Variants in ZNF383 observed in about 807,000 individuals in gnomAD.
The protein encoded by ZNF383 is zinc finger protein 383.
Under a neutral mutation model 44.2 loss-of-function variants are expected in ZNF383, and 32 were observed. The observed-to-expected ratio is 0.72, with a 90% CI of 0.55 to 0.97. The LOEUF (loss-of-function observed/expected upper bound fraction) is 0.97. ZNF383 is among the 50% of genes least tolerant of loss of function. ZNF383 has a pLI of 0.00. For synonymous variants in ZNF383, 155 were observed against 186.2 expected (o/e 0.83, Z 1.36); for missense variants, 487 against 562.5 (o/e 0.87, Z 1.36).
intron 1 of ZNF383, among the ~76,000 whole-genome samples, chr19:37,220,339 C>T (rs1253274003): frequency 2.0e-4 from 30 of 152,184 alleles, no homozygotes; most frequent in Non-Finnish European, 1.5e-5. Flanking sequence ...TCTCAGCTCA[C>T]TGCAACCTCC....
chr19:37,243,333 A>T lies in ZNF383; in HGVS notation c.1097A>T (p.Tyr366Phe). ...HQRIHTGEKPYDCKECGKAFT... is the reference protein window; with the variant it reads ...HQRIHTGEKPFDCKECGKAFT... ...AGAATTCACACTGGTGAGAAACCCT[A>T]TGATTGTAAGGAATGTGGAAAGGCT... is the stretch of plus-strand genomic sequence containing the variant. The change falls in exon 6 of 6, where the codon TAT becomes TTT. Residue 366 changes from tyrosine (Y) to phenylalanine (F), a missense_variant. Transcript: ENST00000684119. 1 of 1,613,920 alleles carries T rather than the reference A, an allele frequency of 6.2e-7. No homozygotes were observed. The highest frequency in any genetic ancestry group is 8.5e-7 in the Non-Finnish European group (1 of 1,179,948).
chr19:37,242,769 C>A lies in ZNF383; in HGVS notation c.533C>A (p.Ala178Asp). ...RPYECKKCGK[A>D]FSQNSQFIQH... Reference sequence around the variant, plus strand: ...TATGAATGTAAGAAATGTGGAAAGGCCTTTAGTCAGAACTCACAATTTATT... The same window carrying A: ...TATGAATGTAAGAAATGTGGAAAGGACTTTAGTCAGAACTCACAATTTATT... Residue 178 changes from alanine to aspartate, a missense_variant, in exon 6 of 6, where the codon GCC becomes GAC. Transcript: ENST00000684119. The A allele has an allele frequency of 6.2e-7, 1 of 1,614,080 alleles. No homozygotes were observed. The highest frequency in any genetic ancestry group is 8.5e-7 in the Non-Finnish European group (1 of 1,180,008).
At chr19:37,221,848 T>C (rs1420290713) in intron 1 of ZNF383, among the ~76,000 whole-genome samples, 1 of 146,522 alleles carries the variant, frequency 6.8e-6, no homozygotes, top group Non-Finnish European at 1.5e-5. Flanking sequence ...CCCAGCTACT[T>C]GGGAAGCTGA....
At chr19:37,225,391 G>A (rs552153175) in intron 2 of ZNF383, among the ~76,000 whole-genome samples, 22 of 152,292 alleles carry the variant, frequency 1.4e-4, no homozygotes, top group Non-Finnish European at 3.1e-4. Flanking sequence ...ACCACACCAA[G>A]CTAATCATTT....
intron 3 of ZNF383, among the ~76,000 whole-genome samples, chr19:37,234,546 C>A (rs934235366): frequency 3.3e-5 from 5 of 152,034 alleles, no homozygotes; most frequent in African/African-American, 9.7e-5. Flanking sequence ...CCCGCCACCA[C>A]GCCTGGCTAA....
At chr19:37,234,537 C>T (rs920137698) in intron 3 of ZNF383, among the ~76,000 whole-genome samples, 1 of 152,058 alleles carries the variant, frequency 6.6e-6, no homozygotes, top group Non-Finnish European at 1.5e-5. Flanking sequence ...CTACAGGCGC[C>T]CGCCACCACG....
At chr19:37,235,941 C>A (rs745704082) in intron 4 of ZNF383, 38 bp from the exon 5 acceptor site, 12 of 1,556,072 alleles carry the variant, frequency 7.7e-6, no homozygotes, top group Non-Finnish European at 1.1e-5. Context: ...TCCTTTACCC[C>A]CAGCATAACC....
At chr19:37,229,799 TATA>T (rs906161155) in intron 2 of ZNF383, among the ~76,000 whole-genome samples, 10 of 116,238 alleles carry the variant, frequency 8.6e-5, no homozygotes, top group African/African-American at 3.2e-4. Flanking sequence ...TATATATATA[TATA>T]TTTTTTTTTT....
In ZNF383 at chr19:37,243,399, A is replaced by C. The variant is rs770709211; in HGVS notation, c.1163A>C (p.His388Pro). Reference sequence around the variant, plus strand: ...CAGCTTCGTCAACATCAGAGAATTCACGCTGGTGAGAAACCCTTTGAATGT... The same window carrying C: ...CAGCTTCGTCAACATCAGAGAATTCCCGCTGGTGAGAAACCCTTTGAATGT... ...SSQLRQHQRI[H>P]AGEKPFECLE... Residue 388 changes from histidine to proline, a missense_variant, in exon 6 of 6, where the codon CAC becomes CCC. Physicochemically the swap from His to Pro is moderately conservative, Grantham distance 77. Transcript: ENST00000684119. 6.2e-7 allele frequency: 1 copy of C among 1,614,114 alleles called. No individual in the cohort carries two copies. The highest frequency in any genetic ancestry group is 8.5e-7 in the Non-Finnish European group (1 of 1,180,050).
rs770665342 is a variant in ZNF383, at chr19:37,242,543, G to A, written c.307G>A (p.Glu103Lys). 1.2e-6 allele frequency: 2 copies of A among 1,613,936 alleles called. No individual in the cohort carries two copies. Among genetic ancestry groups the A allele is most frequent in the Admixed American group, 3.3e-5 (2 of 60,000 alleles). Residue 103 changes from glutamate (E) to lysine (K), a missense_variant, in exon 6 of 6, where the codon GAG (glutamate) becomes AAG (lysine). Coordinates refer to ENST00000684119, the MANE Select transcript of ZNF383 (RefSeq NM_001387601.1). ...EVYEIELCQR[E>K]IMGLTKHGLE... ...TTATGAAATAGAATTATGCCAGAGG[G>A]AGATAATGGGACTTACAAAGCATGG...
chr19:37,218,501 T>A (rs1249373357), intron 1 of ZNF383, among the ~76,000 whole-genome samples: 1 of 152,114 alleles, frequency 6.6e-6, no homozygotes, highest in African/African-American at 2.4e-5. Context: ...TGTAACAATG[T>A]AAGGCTGTAT....
At chr19:37,224,140 A>G (rs1382593969) in intron 1 of ZNF383, among the ~76,000 whole-genome samples, 2 of 152,302 alleles carry the variant, frequency 1.3e-5, no homozygotes, top group Non-Finnish European at 1.5e-5. Flanking sequence ...ATTAAAATCT[A>G]GGAAATAATA....
At chr19:37,231,739 A>G (rs1973495850) in intron 3 of ZNF383, among the ~76,000 whole-genome samples, 1 of 152,180 alleles carries the variant, frequency 6.6e-6, no homozygotes, top group African/African-American at 2.4e-5. Flanking sequence ...GTGACCTTAA[A>G]TAGTCTTCCT....
chr19:37,234,603 G>A (rs1026122504), intron 3 of ZNF383, among the ~76,000 whole-genome samples: 7 of 151,646 alleles, frequency 4.6e-5, no homozygotes, highest in Non-Finnish European at 7.4e-5. Flanking sequence ...TGTTAGCCAG[G>A]ATGGTCTCGA....
In ZNF383 at chr19:37,236,004, G is replaced by C. The variant is rs765619770; in HGVS notation, c.162G>C (p.Val54=). ...GACTTTACACTCCTAAGCCTCAAGT[G>C]ATCTCCTTATTGGAACAAGGGAAAG... is the stretch of plus-strand genomic sequence containing the variant. The part of the protein sequence containing the change: ...SMGLYTPKPQ[V]ISLLEQGKEP... Residue 54 remains valine (V), a synonymous_variant, in exon 5 of 6, where the codon GTG becomes GTC. Coordinates refer to ENST00000684119, the MANE Select transcript of ZNF383 (RefSeq NM_001387601.1). The C allele has an allele frequency of 1.9e-6, 3 of 1,613,620 alleles. No homozygotes were observed. The highest frequency in any genetic ancestry group is 2.5e-6 in the Non-Finnish European group (3 of 1,179,788).
rs1000083133 is a variant in ZNF383 at position 37,244,820 on chromosome 19, T to C, written c.*1156T>C. The C allele has an allele frequency of 6.6e-6, 1 of 152,240 alleles. No homozygotes were observed. Among genetic ancestry groups the C allele is most frequent in the African/African-American group, 2.4e-5 (1 of 41,470 alleles). The allele number at this position is 152,240 out of a possible 1,614,324, so 9.4% of individuals were successfully genotyped here. A position where few individuals can be genotyped will look rare whatever the true frequency, so the allele number is the denominator to read the frequency against. Reference sequence around the variant, plus strand: ...TGGTAGAGAAAATCGTGCTATACTTTGCTTTTTTAAGAAAGTGTAATTATG... The same window carrying C: ...TGGTAGAGAAAATCGTGCTATACTTCGCTTTTTTAAGAAAGTGTAATTATG... On this transcript the variant is annotated 3_prime_UTR_variant, in exon 6 of 6. Transcript: ENST00000684119.
At chr19:37,221,224 T>G (rs1972903546) in intron 1 of ZNF383, among the ~76,000 whole-genome samples, 1 of 152,184 alleles carries the variant, frequency 6.6e-6, no homozygotes, top group Admixed American at 6.5e-5. Flanking sequence ...ACATGGTCAT[T>G]TGGTATTCTA....
At chr19:37,234,643 GC>G (rs1247635595) in intron 3 of ZNF383, among the ~76,000 whole-genome samples, 2 of 152,024 alleles carry the variant, frequency 1.3e-5, no homozygotes, top group East Asian at 3.9e-4. Flanking sequence ...GCCCGCCTTG[GC>G]CTCCCAAAAT....
chr19:37,236,387 CTCTT>C (rs1373583098), intron 5 of ZNF383, among the ~76,000 whole-genome samples: 1 of 151,692 alleles, frequency 6.6e-6, no homozygotes, highest in African/African-American at 2.4e-5. Flanking sequence ...TTTACTCTCT[CTCTT>C]TTTTTTTCTT....
Sources: allele counts gnomAD v4.1 joint callset (sites outside exome capture counted in the v4.1 genomes callset), GRCh38; gene constraint gnomAD v4.1.1; transcripts MANE v1.5; gene names NCBI Gene and HGNC (gene_info 2026-07-23, HGNC 2026-07-21).